The following ERGIC2 variants were observed in gnomAD, a reference collection of about 807,000 sequenced individuals.
ERGIC2 encodes endoplasmic reticulum-Golgi intermediate compartment protein 2.
ERGIC2 carries 31 observed loss-of-function variants against 52.5 expected under a neutral mutation model. The ratio of observed to expected loss-of-function variants is 0.59; its 90% CI spans 0.44 to 0.80. ERGIC2 has a LOEUF of 0.80. Ranked by LOEUF, ERGIC2 falls within the 30% of genes least tolerant of loss-of-function variation. The pLI is 0.00. For missense variants in ERGIC2, 395 were observed against 455.2 expected, an observed-to-expected ratio of 0.87 and a Z score of 1.20; for synonymous variants, 129 against 140.6, an observed-to-expected ratio of 0.92 and a Z score of 0.58.
intron 4 of ERGIC2, 26 bp from the exon 5 acceptor site, chr12:29,366,973 T>C: frequency 6.6e-7 from 1 of 1,507,092 alleles, no homozygotes; most frequent in South Asian, 1.2e-5. Context: ...AATTAGAAGT[T>C]TTACATTCTA....
At chr12:29,366,653 C>T (rs1940366531) in intron 5 of ERGIC2, among the ~76,000 whole-genome samples, 1 of 151,712 alleles carries the variant, frequency 6.6e-6, no homozygotes, top group South Asian at 2.1e-4. Flanking sequence ...TTAGACACAT[C>T]CAAAATACAT....
chr12:29,370,038 T>G, intron 3 of ERGIC2, 76 bp downstream of exon 3: 2 of 1,302,196 alleles, frequency 1.5e-6, no homozygotes. Flanking sequence ...GGTTAGACTT[T>G]TTCTTTTTTA....
chr12:29,371,819 ACTC>A, intron 1 of ERGIC2, 149 bp from the exon 2 acceptor site: 1 of 472,396 alleles, frequency 2.1e-6, no homozygotes, highest in Non-Finnish European at 3.7e-6. Flanking sequence ...TATCCACACT[ACTC>A]CTTTCCCCAT....
chr12:29,345,578 A>T, intron 10 of ERGIC2, 38 bp from the exon 11 acceptor site: 1 of 1,030,430 alleles, frequency 9.7e-7, no homozygotes, highest in Non-Finnish European at 1.5e-6. Flanking sequence ...ATTCAGTAGC[A>T]ACAAAACTAC....
chr12:29,378,873 T>A (rs908411618), intron 1 of ERGIC2, among the ~76,000 whole-genome samples: 1 of 152,294 alleles, frequency 6.6e-6, no homozygotes, highest in East Asian at 1.9e-4. Flanking sequence ...TTTTAAAAGA[T>A]GGGCAGCAGG....
intron 3 of ERGIC2, 67 bp downstream of exon 3, chr12:29,370,047 T>C (rs1210257393): frequency 3.7e-6 from 5 of 1,337,156 alleles, no homozygotes; most frequent in Non-Finnish European, 3.9e-6. Flanking sequence ...TTTTCTTTTT[T>C]AAAAGGTATG....
chr12:29,362,555 C>T (rs1386313319), intron 5 of ERGIC2, among the ~76,000 whole-genome samples: 1 of 151,758 alleles, frequency 6.6e-6, no homozygotes, highest in East Asian at 1.9e-4. Context: ...AGAGATCTTG[C>T]CAATGCACTC....
At chr12:29,369,647 A>G (rs964794258) in intron 3 of ERGIC2, among the ~76,000 whole-genome samples, 21 of 152,014 alleles carry the variant, frequency 1.4e-4, no homozygotes, top group Non-Finnish European at 2.7e-4. Flanking sequence ...ACAAACGAAT[A>G]GATGTAAAGT....
intron 5 of ERGIC2, among the ~76,000 whole-genome samples, chr12:29,365,413 C>CA (rs1404631424): frequency 6.6e-6 from 1 of 151,858 alleles, no homozygotes; most frequent in Non-Finnish European, 1.5e-5. Flanking sequence ...GCTGGGTACT[C>CA]ATAGACATAA....
At chr12:29,353,060 C>T (rs1343679221) in intron 8 of ERGIC2, among the ~76,000 whole-genome samples, 1 of 152,086 alleles carries the variant, frequency 6.6e-6, no homozygotes, top group Non-Finnish European at 1.5e-5. Context: ...CAGAATATGC[C>T]CTAGTAGGTC....
At chr12:29,371,443 TCATGGCTA>T in intron 2 of ERGIC2, 77 bp downstream of exon 2, 1 of 851,448 alleles carries the variant, frequency 1.2e-6, no homozygotes. Context: ...AAATTCTTCC[TCATGGCTA>T]CATTTCTATA....
At chr12:29,342,327 T>G (rs1303465202) in intron 12 of ERGIC2, among the ~76,000 whole-genome samples, 1 of 152,192 alleles carries the variant, frequency 6.6e-6, no homozygotes, top group African/African-American at 2.4e-5. Context: ...ACACAATCTT[T>G]TCAAGGTTTT....
At chr12:29,360,419 G>C (rs946261323) in intron 6 of ERGIC2, among the ~76,000 whole-genome samples, 8 of 149,370 alleles carry the variant, frequency 5.4e-5, no homozygotes, top group African/African-American at 2.0e-4. Flanking sequence ...ATGTTAGGTG[G>C]AAAAAAGCAA....
intron 3 of ERGIC2, among the ~76,000 whole-genome samples, chr12:29,368,962 C>T (rs1038900024): frequency 1.3e-5 from 2 of 151,844 alleles, no homozygotes; most frequent in Admixed American, 1.3e-4. Context: ...AAGCAATTTT[C>T]GAATACCAGA....
intron 5 of ERGIC2, among the ~76,000 whole-genome samples, chr12:29,365,795 A>G (rs2136872559): frequency 6.6e-6 from 1 of 152,124 alleles, no homozygotes; most frequent in South Asian, 2.1e-4. Context: ...ATAGTGTAAT[A>G]TGCTGTCATA....
At chr12:29,360,045 A>G (rs1243724090) in intron 6 of ERGIC2, among the ~76,000 whole-genome samples, 1 of 152,108 alleles carries the variant, frequency 6.6e-6, no homozygotes, top group Non-Finnish European at 1.5e-5. Context: ...AAAGCATAGT[A>G]CCAATTTTCA....
intron 12 of ERGIC2, among the ~76,000 whole-genome samples, chr12:29,342,783 T>C (rs1328341912): frequency 6.6e-6 from 1 of 152,200 alleles, no homozygotes; most frequent in Admixed American, 6.5e-5. Flanking sequence ...ATTATTGCTA[T>C]TTTTACTGAT....
rs1940384083 is a variant in ERGIC2 at position 29,367,775 on chromosome 12, A to C, written c.262+466T>G. On this transcript the variant is annotated intron_variant, in intron 4 of 13. Coordinates refer to ENST00000360150, the MANE Select transcript of ERGIC2 (RefSeq NM_016570.3). Reference sequence around the variant, plus strand: ...ATATTAGCATTTTTCCACTTCTATTAGTATAACCAAGTGAGTCCAGTGACG... The same window carrying C: ...ATATTAGCATTTTTCCACTTCTATTCGTATAACCAAGTGAGTCCAGTGACG... 2.0e-5 allele frequency among the ~76,000 whole-genome samples: 3 copies of C among 151,900 alleles called. No individual in the cohort carries two copies. In the South Asian group the frequency reaches 6.2e-4, roughly 31 times the overall value.
At chr12:29,361,496 G>T in intron 6 of ERGIC2, 149 bp downstream of exon 6, 1 of 459,426 alleles carries the variant, frequency 2.2e-6, no homozygotes, top group Non-Finnish European at 3.7e-6. Flanking sequence ...GATGGTTTTT[G>T]AAATTGTAAG....
Sources: gnomAD v4.1 joint callset for allele counts (sites outside exome capture counted in the v4.1 genomes callset) on GRCh38, gnomAD v4.1.1 for gene constraint, MANE v1.5 for transcripts, NCBI Gene and HGNC (gene_info 2026-07-23, HGNC 2026-07-21) for gene names.